The following GPAT2 variants were observed in gnomAD, a reference collection of about 807,000 sequenced individuals.
GPAT2 encodes glycerol-3-phosphate acyltransferase 2, mitochondrial.
A neutral mutation model predicts 71.0 loss-of-function variants in GPAT2; 51 were observed. That is an observed-to-expected ratio of 0.72 (90% confidence interval 0.57 to 0.91). The LOEUF (loss-of-function observed/expected upper bound fraction) is 0.91. Among genes scored for constraint, GPAT2 ranks in the 40% least tolerant of loss-of-function variants. The pLI is 0.00. For synonymous variants in GPAT2, 222 were observed against 290.3 expected, an observed-to-expected ratio of 0.76 and a Z score of 2.39; for missense variants, 511 against 666.0, an observed-to-expected ratio of 0.77 and a Z score of 2.56.
chr2:96,022,188 G>C lies in GPAT2; in HGVS notation c.2377C>G (p.Gln793Glu), dbSNP rs780943789. ...ASLDNQEKLE[Q>E]FIRQFICS ...CTACAAATGAACTGCCGGATGAACT[G>C]TTCTAGTTTTTCCTGATTGTCCAGG... The change falls in exon 22 of 22, where the codon CAG (glutamine) becomes GAG (glutamate). Residue 793 changes from glutamine to glutamate, a missense_variant. Transcript: ENST00000434632. The C allele has an allele frequency of 1.9e-5, 31 of 1,610,938 alleles. No individual in the cohort carries two copies. Among genetic ancestry groups the C allele is most frequent in the Non-Finnish European group, 2.5e-5 (30 of 1,179,434 alleles).
At position 96,025,299 on chromosome 2, in the gene GPAT2, A is replaced by T. The variant is rs1046629091; in HGVS notation, c.1357+186T>A. 3.7e-5 allele frequency: 29 copies of T among 782,502 alleles called. No homozygotes were observed. In the African/African-American group the frequency reaches 4.4e-4, roughly 12 times the overall value. The allele number at this position is 782,502 out of a possible 1,614,324, so 48.5% of individuals were successfully genotyped here. A position where few individuals can be genotyped will look rare whatever the true frequency, so the allele number is the denominator to read the frequency against. On this transcript the variant is annotated intron_variant, in intron 13 of 21. Transcript: ENST00000434632. ...TGTGCATGCACTTAGCTGCTCCCTT[A>T]TGATGGCCCTGGCTGCCTGCTCCTC...
At chr2:96,034,062 CAT>C (rs1558691998) in intron 1 of GPAT2, among the ~76,000 whole-genome samples, 2 of 150,576 alleles carry the variant, frequency 1.3e-5, no homozygotes, top group Non-Finnish European at 3.0e-5. Flanking sequence ...TATACACACA[CAT>C]ATATACATAT....
At position 96,032,052 on chromosome 2, in the gene GPAT2, G is replaced by C; in HGVS notation, c.158C>G (p.Thr53Ser). The C allele has an allele frequency of 4.5e-6, 7 of 1,541,248 alleles. No homozygotes were observed. Among genetic ancestry groups the C allele is most frequent in the Non-Finnish European group, 5.3e-6 (6 of 1,125,714 alleles). ...YRPFVGRCCQ[T>S]CTPKSWESLF... ...ACTCACCCAGCTCTTGGGGGTGCAGGTCTGGCAACAGCGACCCACAAAGGG... is the reference window on the plus strand; with the variant it reads ...ACTCACCCAGCTCTTGGGGGTGCAGCTCTGGCAACAGCGACCCACAAAGGG... The change falls in exon 3 of 22, where the codon ACC becomes AGC. Residue 53 changes from threonine (T) to serine (S), a missense_variant. This residue lies in a region of GPAT2 where 21 missense variants were observed against 71.6 expected (regional missense o/e 0.29). Transcript: ENST00000434632.
chr2:96,022,670 CT>C lies in GPAT2; in HGVS notation c.2286del (p.Val764PhefsTer28). The stretch of plus-strand genomic sequence containing the variant: ...ATGGTGACAGTGGCTCCTCTCACCC[CT>C]AGGTCTCTGAAGGTCCAGACAGCAC... ...AISAVWTFRD[L>X]GVLQQTPSPA... On this transcript the variant is annotated frameshift_variant, in exon 21 of 22. Coordinates refer to ENST00000434632, the MANE Select transcript of GPAT2 (RefSeq NM_001321527.2). LOFTEE classifies it high-confidence loss of function. 6.2e-7 allele frequency: 1 copy of C among 1,614,016 alleles called. No individual in the cohort carries two copies. The highest frequency in any genetic ancestry group is 1.1e-5 in the South Asian group (1 of 91,080).
Position 96,026,032 on chromosome 2 carries a change from T to C in GPAT2, c.1156-20A>G. 6.2e-7 allele frequency: 1 copy of C among 1,612,042 alleles called. No individual in the cohort carries two copies. On this transcript the variant is annotated intron_variant, in intron 11 of 21. Transcript: ENST00000434632. ...GTATTCCTGCCCAAGAGAAGGCTCT[T>C]AGGTGGCCTGCTCGGGCCCACCAGG...
rs994882443 is a variant in GPAT2 at position 96,026,389 on chromosome 2, C to T, written c.1033-84G>A. 4.2e-5 allele frequency: 55 copies of T among 1,311,586 alleles called. No individual in the cohort carries two copies. The African/African-American group carries it at 7.9e-4, about 19-fold the overall frequency. The allele number at this position is 1,311,586 out of a possible 1,614,324, so 81.2% of individuals were successfully genotyped here. A position where few individuals can be genotyped will look rare whatever the true frequency, so the allele number is the denominator to read the frequency against. Reference sequence around the variant, plus strand: ...AGGGCTGCCCACCCATCCTGGTCTCCAGAGGTATCCTCTGGTCCCACCCTG... The same window carrying T: ...AGGGCTGCCCACCCATCCTGGTCTCTAGAGGTATCCTCTGGTCCCACCCTG... On this transcript the variant is annotated intron_variant, in intron 10 of 21. Transcript: ENST00000434632.
rs891584472 is a variant in GPAT2 at position 96,025,611 on chromosome 2, A to G, written c.1239-8T>C. 2 of 1,556,940 alleles carry G rather than the reference A, an allele frequency of 1.3e-6. No homozygotes were observed. Among genetic ancestry groups the G allele is most frequent in the African/African-American group, 2.8e-5 (2 of 72,476 alleles). On this transcript the variant is annotated splice_polypyrimidine_tract_variant and splice_region_variant and intron_variant, in intron 12 of 21. Transcript: ENST00000434632. ...GTGTCTGGGACAGCAGTACTGAGAT[A>G]GAGACACAGATTACAGGATGAAGGG...
chr2:96,022,107 A>G lies in GPAT2; in HGVS notation c.*52T>C. ...CCTCTCCATCTTCTGGCTCTAGGAC[A>G]CAGCTGTGTTCTGGGGCTGAGAAGT... On this transcript the variant is annotated 3_prime_UTR_variant, in exon 22 of 22. Coordinates refer to ENST00000434632, the MANE Select transcript of GPAT2 (RefSeq NM_001321527.2). 1.9e-6 allele frequency: 3 copies of G among 1,591,964 alleles called. No homozygotes were observed. Among genetic ancestry groups the G allele is most frequent in the Non-Finnish European group, 2.6e-6 (3 of 1,170,234 alleles).
rs760492670 is a variant in GPAT2, at chr2:96,025,533, C to T, written c.1309G>A (p.Glu437Lys). 40 of 1,560,662 alleles carry T rather than the reference C, an allele frequency of 2.6e-5. 1 individual carries two copies. In the Admixed American group the frequency reaches 7.8e-4, roughly 30 times the overall value. Residue 437 changes from glutamate to lysine, a missense_variant, in exon 13 of 22, where the codon GAA becomes AAA. Coordinates refer to ENST00000434632, the MANE Select transcript of GPAT2 (RefSeq NM_001321527.2). ...CTCCTGACCAGGAGCTGGTCCTCTT[C>T]CTTGAGGGCCAGGAGAGGCCCAGTT... is the stretch of plus-strand genomic sequence containing the variant. ...PITGPLLALK[E>K]EDQLLVRRLS...
intron 1 of GPAT2, among the ~76,000 whole-genome samples, chr2:96,034,029 CATAT>C (rs1423754943): frequency 1.3e-5 from 2 of 151,472 alleles, no homozygotes; most frequent in African/African-American, 4.8e-5. Context: ...CACATATATA[CATAT>C]ATAATACATA....
In GPAT2 at chr2:96,023,358, G is replaced by A; in HGVS notation, c.1997C>T (p.Thr666Ile). ...KLLWKPSGDFTDSDSDDFGEA... is the reference protein window; with the variant it reads ...KLLWKPSGDFIDSDSDDFGEA... ...TCCGAAGTCATCACTGTCACTATCA[G>A]TAAAGTCCCCACTCGGTTTCCACAG... Residue 666 changes from threonine to isoleucine, a missense_variant, in exon 18 of 22, where the codon ACT becomes ATT. Around this residue, in one of 7 missense-constraint regions of GPAT2, gnomAD observed 295 missense variants for 305.5 expected, o/e 0.97. Coordinates refer to ENST00000434632, the MANE Select transcript of GPAT2 (RefSeq NM_001321527.2). 2 of 1,614,212 alleles carry A rather than the reference G, an allele frequency of 1.2e-6. No individual in the cohort carries two copies. The highest frequency in any genetic ancestry group is 1.7e-6 in the Non-Finnish European group (2 of 1,180,034).
rs751236911 is a variant in GPAT2, at chr2:96,024,558, C to T, written c.1556G>A (p.Arg519Gln). Residue 519 changes from arginine (R) to glutamine (Q), a missense_variant, in exon 15 of 22, where the codon CGG (arginine) becomes CAG (glutamine). Physicochemically the swap from Arg to Gln is conservative, Grantham distance 43. This residue lies in a region of GPAT2 where 295 missense variants were observed against 305.5 expected (regional missense o/e 0.97). Coordinates refer to ENST00000434632, the MANE Select transcript of GPAT2 (RefSeq NM_001321527.2). Reference protein sequence around the residue: ...SLLQHSLSLLRAHVALLRIRQ... With the variant: ...SLLQHSLSLLQAHVALLRIRQ... ...GATGCGCAGCAGGGCCACGTGCGCC[C>T]GCAGCAGGCTCAGTGAGTGCTGCAG... The T allele has an allele frequency of 1.2e-5, 20 of 1,613,828 alleles. No homozygotes were observed. The highest frequency in any genetic ancestry group is 4.5e-5 in the East Asian group (2 of 44,900).
In GPAT2 at chr2:96,024,496, G is replaced by C; in HGVS notation, c.1618C>G (p.Pro540Ala). 1 of 1,613,984 alleles carries C rather than the reference G, an allele frequency of 6.2e-7. No individual in the cohort carries two copies. The highest frequency in any genetic ancestry group is 8.5e-7 in the Non-Finnish European group (1 of 1,179,970). The change falls in exon 15 of 22, where the codon CCA becomes GCA. Residue 540 changes from proline to alanine, a missense_variant. Coordinates refer to ENST00000434632, the MANE Select transcript of GPAT2 (RefSeq NM_001321527.2). ...AGTTGTGCCAGGTGTGTGAGGCCTG[G>C]GCCAGGCTGCGGCACCACCAGCAAG... Reference protein sequence around the residue: ...GDLLVVPQPGPGLTHLAQLSA... With the variant: ...GDLLVVPQPGAGLTHLAQLSA...
Position 96,026,694 on chromosome 2 carries a change from C to T in GPAT2, c.1032+3G>A, listed in dbSNP as rs1680442611. The stretch of plus-strand genomic sequence containing the variant: ...AAGGGGCTGGAAGGTCTCACATTCT[C>T]ACATGGTCTATGTCACACGGTGCAT... On this transcript the variant is annotated splice_donor_region_variant and intron_variant, in intron 10 of 21. Transcript: ENST00000434632. 4 of 139,680 alleles carry T rather than the reference C, an allele frequency of 2.9e-5. No individual in the cohort carries two copies. Among genetic ancestry groups the T allele is most frequent in the Non-Finnish European group, 4.9e-5 (4 of 82,078 alleles). The allele number at this position is 139,680 out of a possible 1,614,324, so 8.7% of individuals were successfully genotyped here.
At chr2:96,022,305 G>A (rs375876848) in intron 21 of GPAT2, 30 bp from the exon 22 acceptor site, 36 of 1,558,942 alleles carry the variant, frequency 2.3e-5, no homozygotes, top group African/African-American at 5.4e-5. Context: ...CCGTGAGTGC[G>A]CTCACCACAG....
At chr2:96,025,039 A>T (rs1680245597) in intron 13 of GPAT2, 196 bp from the exon 14 acceptor site, 19 of 647,572 alleles carry the variant, frequency 2.9e-5, no homozygotes, top group Middle Eastern at 4.2e-4. Context: ...CCTGGATCTC[A>T]TCGTAGGGCC....
intron 13 of GPAT2, chr2:96,025,284 C>G (rs530385366): frequency 9.9e-6 from 7 of 704,202 alleles, no homozygotes; most frequent in African/African-American, 9.0e-5. Flanking sequence ...TGTGCATGCA[C>G]TTAGCTGCTC....
chr2:96,025,692 T>C (rs1169524067), intron 12 of GPAT2, 89 bp from the exon 13 acceptor site: 1 of 1,404,406 alleles, frequency 7.1e-7, no homozygotes, highest in East Asian at 2.4e-5. Flanking sequence ...GGTGAGGGTG[T>C]TTCCCCCTCC....
chr2:96,024,066 G>C lies in GPAT2; in HGVS notation c.1837-66C>G. On this transcript the variant is annotated intron_variant, in intron 16 of 21. Coordinates refer to ENST00000434632, the MANE Select transcript of GPAT2 (RefSeq NM_001321527.2). ...GCACATGGGCAGGGGCCTAGCCAAA[G>C]ACCGGGCAAGGCCACACCTACTACC... 4.4e-6 allele frequency: 7 copies of C among 1,590,406 alleles called. No individual in the cohort carries two copies. In the South Asian group the frequency reaches 4.6e-5, roughly 10 times the overall value.
Sources: gnomAD v4.1 joint callset for allele counts (sites outside exome capture counted in the v4.1 genomes callset) on GRCh38, gnomAD v4.1.1 for gene constraint, gnomAD v4.1.1 regional missense constraint, MANE v1.5 for transcripts, NCBI Gene and HGNC (gene_info 2026-07-23, HGNC 2026-07-21) for gene names.